Variants in TSNAXIP1 observed in about 807,000 individuals in gnomAD.
TSNAXIP1 encodes the protein translin-associated factor X-interacting protein 1.
TSNAXIP1 carries 89 observed loss-of-function variants against 84.8 expected under a neutral mutation model. The observed-to-expected ratio is 1.05, with a 90% CI of 0.88 to 1.25. The LOEUF is 1.25. Among genes scored for constraint, TSNAXIP1 ranks in the 50% most tolerant of loss-of-function variants. The pLI is 0.00. For missense variants in TSNAXIP1, 874 were observed against 887.6 expected (o/e 0.98, Z 0.20); for synonymous variants, 347 against 335.2 (o/e 1.04, Z -0.39).
rs370242195 is a variant in TSNAXIP1 at position 67,808,520 on chromosome 16, G to A, written c.47+1324G>A. On this transcript the variant is annotated intron_variant, in intron 1 of 15. Coordinates refer to ENST00000561639, the MANE Select transcript of TSNAXIP1 (RefSeq NM_001288990.3). ...ACCTGGGAGGCAGAGCTTGCAGTGAGCCGAGATCCTGCCACTGCACTCCAG... is the reference window on the plus strand; with the variant it reads ...ACCTGGGAGGCAGAGCTTGCAGTGAACCGAGATCCTGCCACTGCACTCCAG... 3.9e-5 allele frequency among the ~76,000 whole-genome samples: 6 copies of A among 152,022 alleles called. No individual in the cohort carries two copies. The East Asian group carries it at 7.7e-4, about 20-fold the overall frequency.
intron 2 of TSNAXIP1, among the ~76,000 whole-genome samples, 193 bp downstream of exon 2, chr16:67,814,594 C>T (rs946410057): frequency 3.3e-5 from 5 of 152,112 alleles, no homozygotes; most frequent in African/African-American, 9.7e-5. Context: ...GAAGGGTGTA[C>T]ACTGGCTGCC....
At chr16:67,827,199 C>A (rs763259423) in intron 13 of TSNAXIP1, 50 bp from the exon 14 acceptor site, 3 of 1,611,438 alleles carry the variant, frequency 1.9e-6, no homozygotes, top group Admixed American at 3.3e-5. Flanking sequence ...TAGGGAGAGG[C>A]ACAAGCAGGC....
chr16:67,821,259 G>A lies in TSNAXIP1; in HGVS notation c.387+34G>A, dbSNP rs769169201. On this transcript the variant is annotated intron_variant, in intron 4 of 15. Transcript: ENST00000561639. ...CACAGAAGAAACTTGGGGAGGGCGG[G>A]GGAAGGGTGGGAAGAAGCTTCACCT... 9.3e-6 allele frequency: 14 copies of A among 1,497,382 alleles called. No homozygotes were observed. In the South Asian group the frequency reaches 1.4e-4, roughly 15 times the overall value. The allele number at this position is 1,497,382 out of a possible 1,614,324, so 92.8% of individuals were successfully genotyped here. A position where few individuals can be genotyped will look rare whatever the true frequency, so the allele number is the denominator to read the frequency against.
At chr16:67,814,274 CA>C in intron 1 of TSNAXIP1, 27 bp from the exon 2 acceptor site, 1 of 1,500,592 alleles carries the variant, frequency 6.7e-7, no homozygotes, top group Non-Finnish European at 9.0e-7. Context: ...CTCTGTCACC[CA>C]CCATCAGCTT....
Position 67,826,070 on chromosome 16 carries a change from T to C in TSNAXIP1, c.1138T>C (p.Cys380Arg), listed in dbSNP as rs771942398. The C allele has an allele frequency of 6.2e-7, 1 of 1,613,494 alleles. No individual in the cohort carries two copies. The highest frequency in any genetic ancestry group is 8.5e-7 in the Non-Finnish European group (1 of 1,180,006). The change falls in exon 9 of 16, where the codon TGC becomes CGC. Residue 380 changes from cysteine (C) to arginine (R), a missense_variant. Transcript: ENST00000561639. ...TSTPRPDWTK[C>R]KDVVAGGPER... ...CACGCCGCGGCCTGACTGGACCAAGTGCAAAGGTGAGGGCAGCCGGCAGGG... is the reference window on the plus strand; with the variant it reads ...CACGCCGCGGCCTGACTGGACCAAGCGCAAAGGTGAGGGCAGCCGGCAGGG...
At chr16:67,826,373 T>A (rs1598110407) in intron 10 of TSNAXIP1, 64 bp from the exon 11 acceptor site, 1 of 1,608,186 alleles carries the variant, frequency 6.2e-7, no homozygotes, top group African/African-American at 1.3e-5. Flanking sequence ...CAACTGGGGA[T>A]CTTCCCTGAT....
intron 6 of TSNAXIP1, 75 bp downstream of exon 6, chr16:67,824,854 C>T (rs1017263065): frequency 1.8e-5 from 26 of 1,475,640 alleles, no homozygotes; most frequent in Non-Finnish European, 2.0e-5. Flanking sequence ...ACCCCCTACC[C>T]TGCTCTGCCT....
At chr16:67,808,618 T>A (rs1371136416) in intron 1 of TSNAXIP1, among the ~76,000 whole-genome samples, 1 of 147,394 alleles carries the variant, frequency 6.8e-6, no homozygotes, top group African/African-American at 2.5e-5. Flanking sequence ...GGCACCTGTA[T>A]TCCCAGCTAC....
chr16:67,827,074 TGA>T lies in TSNAXIP1; in HGVS notation c.1664+6_1664+7del, dbSNP rs2151274721. 1 of 1,613,730 alleles carries T rather than the reference TGA, an allele frequency of 6.2e-7. No homozygotes were observed. The highest frequency in any genetic ancestry group is 1.7e-5 in the Admixed American group (1 of 60,028). On this transcript the variant is annotated splice_donor_region_variant and intron_variant, in intron 13 of 15. Coordinates refer to ENST00000561639, the MANE Select transcript of TSNAXIP1 (RefSeq NM_001288990.3). ...GCTACTAACCATGGAGCAGTTCAAG[TGA>T]GAGGCCAGTCCAGGCTACCCCCAAC... is the stretch of plus-strand genomic sequence containing the variant.
Position 67,824,701 on chromosome 16 carries a change from C to T in TSNAXIP1, c.600C>T (p.Ser200=). 4 of 1,614,142 alleles carry T rather than the reference C, an allele frequency of 2.5e-6. No individual in the cohort carries two copies. Among genetic ancestry groups the T allele is most frequent in the Non-Finnish European group, 2.5e-6 (3 of 1,180,028 alleles). ...AMRAEEKYEI[S]LLKKEKMNLL... ...GAGCTGAGGAGAAATATGAAATCTCCCTGCTCAAGAAAGAGAAGATGAACT... is the reference window on the plus strand; with the variant it reads ...GAGCTGAGGAGAAATATGAAATCTCTCTGCTCAAGAAAGAGAAGATGAACT... Residue 200 remains serine, a synonymous_variant, in exon 6 of 16, where the codon TCC becomes TCT. Coordinates refer to ENST00000561639, the MANE Select transcript of TSNAXIP1 (RefSeq NM_001288990.3).
rs1567775108 is a variant in TSNAXIP1 at position 67,826,040 on chromosome 16, A to G, written c.1108A>G (p.Thr370Ala). 3 of 1,613,892 alleles carry G rather than the reference A, an allele frequency of 1.9e-6. No homozygotes were observed. Among genetic ancestry groups the G allele is most frequent in the Non-Finnish European group, 2.5e-6 (3 of 1,180,034 alleles). ...CTCTGAGCTGCAGGAGATCCAGCGCACTTCCACGCCGCGGCCTGACTGGAC... is the reference window on the plus strand; with the variant it reads ...CTCTGAGCTGCAGGAGATCCAGCGCGCTTCCACGCCGCGGCCTGACTGGAC... ...FFSELQEIQRTSTPRPDWTKC... is the reference protein window; with the variant it reads ...FFSELQEIQRASTPRPDWTKC... Residue 370 changes from threonine to alanine, a missense_variant, in exon 9 of 16, where the codon ACT (threonine) becomes GCT (alanine). Physicochemically the swap from Thr to Ala is moderately conservative, Grantham distance 58. Transcript: ENST00000561639.
At chr16:67,824,153 G>A (rs778889707) in intron 5 of TSNAXIP1, among the ~76,000 whole-genome samples, 1 of 152,034 alleles carries the variant, frequency 6.6e-6, no homozygotes, top group Admixed American at 6.6e-5. Context: ...AGGTCACCAA[G>A]GCCCCTCAGC....
chr16:67,809,943 T>C (rs1290539268), intron 1 of TSNAXIP1, among the ~76,000 whole-genome samples: 1 of 151,954 alleles, frequency 6.6e-6, no homozygotes, highest in Non-Finnish European at 1.5e-5. Context: ...AGTGAGACCC[T>C]GTCTCAAAAA....
At position 67,821,318 on chromosome 16, in the gene TSNAXIP1, T is replaced by G. The variant is rs541858186; in HGVS notation, c.387+93T>G. The G allele has an allele frequency of 2.3e-5, 35 of 1,491,166 alleles. No individual in the cohort carries two copies. The African/African-American group carries it at 4.7e-4, about 20-fold the overall frequency. The allele number at this position is 1,491,166 out of a possible 1,614,324, so 92.4% of individuals were successfully genotyped here. A position where few individuals can be genotyped will look rare whatever the true frequency, so the allele number is the denominator to read the frequency against. ...GGCACAGTGGCTCACGCCTGTAATC[T>G]CAGCACTTTGGGAGGCCAAGGCGGG... On this transcript the variant is annotated intron_variant, in intron 4 of 15. Transcript: ENST00000561639.
intron 1 of TSNAXIP1, among the ~76,000 whole-genome samples, chr16:67,811,010 C>CG (rs1465613857): frequency 1.3e-5 from 2 of 151,046 alleles, no homozygotes; most frequent in Admixed American, 6.6e-5. Flanking sequence ...TTCTGGAGAA[C>CG]GGGGTCTCGC....
chr16:67,821,276 G>A (rs767671708), intron 4 of TSNAXIP1, 51 bp downstream of exon 4: 8 of 1,587,580 alleles, frequency 5.0e-6, no homozygotes, highest in Non-Finnish European at 6.9e-6. Flanking sequence ...GTGGGAAGAA[G>A]CTTCACCTAC....
Position 67,825,996 on chromosome 16 carries a change from A to G in TSNAXIP1, c.1064A>G (p.Lys355Arg). The G allele has an allele frequency of 6.2e-7, 1 of 1,614,116 alleles. No individual in the cohort carries two copies. The highest frequency in any genetic ancestry group is 2.2e-5 in the East Asian group (1 of 44,882). Residue 355 changes from lysine (K) to arginine (R), a missense_variant, in exon 9 of 16, where the codon AAG becomes AGG. Coordinates refer to ENST00000561639, the MANE Select transcript of TSNAXIP1 (RefSeq NM_001288990.3). ...ATGCAGCTGCACATGAGCACGCTGA[A>G]GGAACGGGACCAATTCTTCTCTGAG... is the stretch of plus-strand genomic sequence containing the variant. ...ILMQLHMSTL[K>R]ERDQFFSELQ...
chr16:67,827,405 G>T (rs1173243418), intron 14 of TSNAXIP1, 30 bp downstream of exon 14: 1 of 1,614,068 alleles, frequency 6.2e-7, no homozygotes, highest in East Asian at 2.2e-5. Context: ...GGACTGGCCT[G>T]GCCCCTGCCC....
At chr16:67,827,640 C>T in intron 15 of TSNAXIP1, 61 bp downstream of exon 15, 1 of 1,611,482 alleles carries the variant, frequency 6.2e-7, no homozygotes, top group Non-Finnish European at 8.5e-7. Context: ...CCCTGGGTCT[C>T]CCTGTGCACC....
Sources: gnomAD v4.1 joint callset for allele counts (sites outside exome capture counted in the v4.1 genomes callset) on GRCh38, gnomAD v4.1.1 for gene constraint, MANE v1.5 for transcripts, NCBI Gene and HGNC (gene_info 2026-07-23, HGNC 2026-07-21) for gene names.